ZYG11B: variants seen among roughly 807,000 people sequenced by gnomAD.
ZYG11B encodes protein zyg-11 homolog B.
A neutral mutation model predicts 82.4 loss-of-function variants in ZYG11B; 36 were observed. The ratio of observed to expected loss-of-function variants is 0.44; its 90% CI spans 0.33 to 0.58. ZYG11B has a LOEUF of 0.58. Ranked by LOEUF, ZYG11B falls within the 20% of genes least tolerant of loss-of-function variation. The pLI is 0.02. For synonymous variants in ZYG11B, 303 were observed against 312.8 expected (o/e 0.97, Z 0.33); for missense variants, 552 against 895.6 (o/e 0.62, Z 4.90).
intron 9 of ZYG11B, 31 bp from the exon 10 acceptor site, chr1:52,802,061 G>T (rs1645079540): frequency 6.3e-7 from 1 of 1,587,744 alleles, no homozygotes; most frequent in African/African-American, 1.4e-5. Context: ...TGGTTCTTCA[G>T]GTAATTATAG....
At chr1:52,821,343 A>G (rs939911094) in intron 13 of ZYG11B, 96 bp from the exon 14 acceptor site, 13 of 1,285,428 alleles carry the variant, frequency 1.0e-5, no homozygotes, top group African/African-American at 1.5e-5. Flanking sequence ...CTAAAAAAAA[A>G]TGGCTCCTAG....
At chr1:52,773,599 C>A (rs1315763945) in intron 3 of ZYG11B, among the ~76,000 whole-genome samples, 1 of 26,028 alleles carries the variant, frequency 3.8e-5, no homozygotes, top group African/African-American at 1.5e-4. Context: ...ATGCTTTAAA[C>A]TATATATATA....
chr1:52,809,249 A>G (rs553139265), intron 10 of ZYG11B, among the ~76,000 whole-genome samples: 1 of 152,312 alleles, frequency 6.6e-6, no homozygotes, highest in East Asian at 1.9e-4. Context: ...AATGTTGTAG[A>G]ACCATCACTA....
At chr1:52,732,532 G>A (rs528784413) in intron 1 of ZYG11B, among the ~76,000 whole-genome samples, 1 of 152,308 alleles carries the variant, frequency 6.6e-6, no homozygotes, top group Admixed American at 6.5e-5. Flanking sequence ...GGCCAAGGCA[G>A]ACGGATCACG....
Position 52,780,366 on chromosome 1 carries a change from TG to T in ZYG11B, c.1092+374del, listed in dbSNP as rs548960441. On this transcript the variant is annotated intron_variant, in intron 4 of 13. Transcript: ENST00000294353. Reference sequence around the variant, plus strand: ...AATAGATTTTTTAGAAATACAATATTGCACCAAATATGGTAGTTCATGCCTG... The same window carrying T: ...AATAGATTTTTTAGAAATACAATATTCACCAAATATGGTAGTTCATGCCTG... Among the ~76,000 whole-genome samples the T allele has an allele frequency of 2.5e-3, 373 of 152,242 alleles. 2 individuals are homozygous for T. The highest frequency in any genetic ancestry group is 8.3e-3 in the African/African-American group (343 of 41,546).
In ZYG11B at chr1:52,823,235, C is replaced by G. The variant is rs927093774; in HGVS notation, c.*1606C>G. 11 of 151,860 alleles carry G rather than the reference C, an allele frequency of 7.2e-5. No individual in the cohort carries two copies. The highest frequency in any genetic ancestry group is 2.4e-4 in the African/African-American group (10 of 41,314). The allele number at this position is 151,860 out of a possible 1,614,324, so 9.4% of individuals were successfully genotyped here. The stretch of plus-strand genomic sequence containing the variant: ...TTGGGAAGCTGAAGCAGGAGGATTG[C>G]TTGAGCCCAGAAGTTCAAGACTAGC... On this transcript the variant is annotated 3_prime_UTR_variant, in exon 14 of 14. Coordinates refer to ENST00000294353, the MANE Select transcript of ZYG11B (RefSeq NM_024646.3).
Position 52,755,758 on chromosome 1 carries a change from G to A in ZYG11B, c.31-700G>A, listed in dbSNP as rs371469814. On this transcript the variant is annotated intron_variant, in intron 1 of 13. Coordinates refer to ENST00000294353, the MANE Select transcript of ZYG11B (RefSeq NM_024646.3). ...GACCTCAGGTGATCCACCTGCCTCG[G>A]CCTCCCAAAGTGCTGGGATTACAGG... Among the ~76,000 whole-genome samples the A allele has an allele frequency of 1.5e-4, 23 of 152,128 alleles. 1 individual carries two copies. Among genetic ancestry groups the A allele is most frequent in the African/African-American group, 5.5e-4 (23 of 41,504 alleles).
chr1:52,771,312 C>T lies in ZYG11B; in HGVS notation c.489C>T (p.Gly163=). 1 of 1,614,194 alleles carries T rather than the reference C, an allele frequency of 6.2e-7. No homozygotes were observed. Among genetic ancestry groups the T allele is most frequent in the Non-Finnish European group, 8.5e-7 (1 of 1,180,042 alleles). ...PYERCFSRLS[G]LRALSITNVL... The stretch of plus-strand genomic sequence containing the variant: ...AGCGCTGCTTCAGCCGGCTTTCTGG[C>T]CTTCGAGCTTTAAGCATCACGAATG... The change falls in exon 3 of 14, where the codon GGC becomes GGT. Residue 163 remains glycine (G), a synonymous_variant. Transcript: ENST00000294353. The surrounding 1 kb of genome is among the most constrained non-coding windows in gnomAD (Gnocchi z 5.4).
chr1:52,754,098 T>C (rs1644550295), intron 1 of ZYG11B, among the ~76,000 whole-genome samples: 1 of 151,532 alleles, frequency 6.6e-6, no homozygotes, highest in South Asian at 2.1e-4. Context: ...CCATCCTGCC[T>C]CACTGCAACC....
chr1:52,776,229 A>AAAAAAAAT lies in ZYG11B; in HGVS notation c.952-3623_952-3622insAAAAAATA. Among the ~76,000 whole-genome samples the AAAAAAAAT allele has an allele frequency of 7.6e-4, 18 of 23,542 alleles. 1 individual carries two copies. The highest frequency in any genetic ancestry group is 1.5e-3 in the African/African-American group (16 of 10,550). 15.4% of individuals were successfully genotyped at this position (23,542 alleles called of 152,430 possible). A position where few individuals can be genotyped will look rare whatever the true frequency, so the allele number is the denominator to read the frequency against. ...AGCAAAACTCTGTCTTAAAAAAAAAAATATATATATATATATGCAATAAAG... is the reference window on the plus strand; with the variant it reads ...AGCAAAACTCTGTCTTAAAAAAAAAAAAAAAAATATATATATATATATATGCAATAAAG... On this transcript the variant is annotated intron_variant, in intron 3 of 13. Transcript: ENST00000294353.
rs1478228351 is a variant in ZYG11B, at chr1:52,771,728, C to T, written c.905C>T (p.Thr302Ile). Residue 302 changes from threonine to isoleucine, a missense_variant, in exon 3 of 14, where the codon ACT (threonine) becomes ATT (isoleucine). Physicochemically the swap from Thr to Ile is moderately conservative, Grantham distance 89. This residue lies in a region of ZYG11B where 359 missense variants were observed against 555.8 expected (regional missense o/e 0.65). Coordinates refer to ENST00000294353, the MANE Select transcript of ZYG11B (RefSeq NM_024646.3). This position sits in a 1 kb window ranked among gnomAD's most constrained non-coding sequence, Gnocchi z 5.4. ...PSMQFVGLLA[T>I]DAGYSEFLTG... ...ATGCAATTTGTAGGTTTGCTGGCTA[C>T]TGATGCTGGTTACTCTGAATTCCTC... The T allele has an allele frequency of 6.2e-7, 1 of 1,613,738 alleles. No individual in the cohort carries two copies. The highest frequency in any genetic ancestry group is 1.1e-5 in the South Asian group (1 of 91,062).
chr1:52,741,857 C>G (rs1644433997), intron 1 of ZYG11B, among the ~76,000 whole-genome samples: 1 of 152,044 alleles, frequency 6.6e-6, no homozygotes, highest in Non-Finnish European at 1.5e-5. Flanking sequence ...AGATTAAGTA[C>G]TTTGCTTAAG....
intron 10 of ZYG11B, chr1:52,805,085 C>G (rs1488885723): frequency 9.2e-6 from 1 of 108,262 alleles, no homozygotes. Context: ...GAGCAAAACT[C>G]TGTCTCAAAA....
chr1:52,769,960 G>A (rs1272052787), intron 2 of ZYG11B, among the ~76,000 whole-genome samples: 1 of 151,308 alleles, frequency 6.6e-6, no homozygotes, highest in Non-Finnish European at 1.5e-5. Flanking sequence ...ATATGCTTGT[G>A]ACACTGTTGA....
rs534273556 is a variant in ZYG11B, at chr1:52,785,698, G to A, written c.1269+645G>A. On this transcript the variant is annotated intron_variant, in intron 5 of 13. Coordinates refer to ENST00000294353, the MANE Select transcript of ZYG11B (RefSeq NM_024646.3). ...TCTCCATCTCTTGTCTTTGTGATCC[G>A]CCCACCTTAACTTCTGAAAATGCTG... 3.3e-5 allele frequency among the ~76,000 whole-genome samples: 5 copies of A among 152,098 alleles called. No individual in the cohort carries two copies. The South Asian group carries it at 8.3e-4, about 25-fold the overall frequency.
chr1:52,790,002 G>A lies in ZYG11B; in HGVS notation c.1270-1G>A, dbSNP rs1288405066. The A allele has an allele frequency of 1.9e-6, 3 of 1,566,898 alleles. No homozygotes were observed. Among genetic ancestry groups the A allele is most frequent in the Non-Finnish European group, 2.6e-6 (3 of 1,153,444 alleles). On this transcript the variant is annotated splice_acceptor_variant, in intron 5 of 13. Transcript: ENST00000294353. LOFTEE classifies it high-confidence loss of function. ...ATTTTTTTCTTCCTTTGATTCTTTA[G>A]TTACAGAAGAATTGCCTCCTTTCAC...
At chr1:52,816,785 T>A in intron 13 of ZYG11B, 156 bp downstream of exon 13, 1 of 446,372 alleles carries the variant, frequency 2.2e-6, no homozygotes, top group Non-Finnish European at 3.9e-6. Flanking sequence ...GTATTCTTTT[T>A]TTTTTTTTTT....
chr1:52,819,939 C>T (rs1030822396), intron 13 of ZYG11B, among the ~76,000 whole-genome samples: 7 of 148,612 alleles, frequency 4.7e-5, no homozygotes, highest in South Asian at 2.1e-4. Flanking sequence ...TTTTTTGAGA[C>T]GGAGTCTTGC....
At chr1:52,764,906 A>G (rs558139809) in intron 2 of ZYG11B, among the ~76,000 whole-genome samples, 1 of 152,306 alleles carries the variant, frequency 6.6e-6, no homozygotes, top group African/African-American at 2.4e-5. Context: ...GTATTTCCCC[A>G]GTAAACTAGT....
Sources: gnomAD v4.1 joint callset for allele counts (sites outside exome capture counted in the v4.1 genomes callset) on GRCh38, gnomAD v4.1.1 for gene constraint, gnomAD v4.1.1 regional missense constraint, Gnocchi (gnomAD v3.1) non-coding constraint, MANE v1.5 for transcripts, NCBI Gene and HGNC (gene_info 2026-07-23, HGNC 2026-07-21) for gene names.